The following CHODL variants were observed in gnomAD, a reference collection of about 807,000 sequenced individuals.
CHODL encodes chondrolectin.
A neutral mutation model predicts 34.5 loss-of-function variants in CHODL; 29 were observed. The observed-to-expected ratio is 0.84, with a 90% CI of 0.63 to 1.15. The LOEUF is 1.15. Among genes scored for constraint, CHODL ranks in the 50% most tolerant of loss-of-function variants. The pLI is 0.00. For synonymous variants in CHODL, 125 were observed against 116.1 expected, an observed-to-expected ratio of 1.08 and a Z score of -0.49; for missense variants, 332 against 332.5, an observed-to-expected ratio of 1.00 and a Z score of 0.01.
At chr21:18,196,090 T>C (rs113847148) in intron 2 of CHODL, among the ~76,000 whole-genome samples, 4 of 152,352 alleles carry the variant, frequency 2.6e-5, no homozygotes, top group African/African-American at 9.6e-5. Context: ...GCTCTACATA[T>C]GTACATTTCA....
chr21:18,050,384 G>A (rs971292070), intron 2 of CHODL, among the ~76,000 whole-genome samples: 1 of 151,914 alleles, frequency 6.6e-6, no homozygotes, highest in Non-Finnish European at 1.5e-5. Context: ...AGCAAGAAAG[G>A]CATTTCTGTT....
intron 2 of CHODL, among the ~76,000 whole-genome samples, chr21:18,192,099 T>C (rs1406729496): frequency 6.6e-6 from 1 of 152,164 alleles, no homozygotes; most frequent in African/African-American, 2.4e-5. Flanking sequence ...CTACATAACA[T>C]TGAATACCCC....
intron 2 of CHODL, among the ~76,000 whole-genome samples, chr21:18,088,295 G>T (rs921015832): frequency 7.2e-5 from 11 of 152,166 alleles, no homozygotes; most frequent in Non-Finnish European, 2.9e-5. Flanking sequence ...TATCAGGGCA[G>T]CAGGGTCACT....
At chr21:17,943,530 ACC>A (rs2063382363) in intron 1 of CHODL, among the ~76,000 whole-genome samples, 1 of 152,240 alleles carries the variant, frequency 6.6e-6, no homozygotes, top group Non-Finnish European at 1.5e-5. Context: ...TAGATTTCAG[ACC>A]AGGATGGTGA....
At chr21:18,050,926 C>CTT (rs71189578) in intron 2 of CHODL, among the ~76,000 whole-genome samples, 2,305 of 146,774 alleles carry the variant, frequency 0.016, 58 homozygotes, top group African/African-American at 0.051. Context: ...AAGTAACTTG[C>CTT]TTTTTTTTTT....
At chr21:17,974,972 T>C (rs1053947994) in intron 1 of CHODL, among the ~76,000 whole-genome samples, 39 of 149,294 alleles carry the variant, frequency 2.6e-4, no homozygotes, top group African/African-American at 8.5e-4. Flanking sequence ...TATAGACATA[T>C]ATAAAATATA....
chr21:18,246,946 C>T (rs2074148808), intron 1 of CHODL, among the ~76,000 whole-genome samples: 1 of 152,054 alleles, frequency 6.6e-6, no homozygotes, highest in African/African-American at 2.4e-5. Context: ...TGAACATGAT[C>T]TATTTGATTT....
intron 1 of CHODL, among the ~76,000 whole-genome samples, chr21:17,932,843 C>T (rs1467810028): frequency 2.6e-5 from 4 of 152,038 alleles, no homozygotes; most frequent in African/African-American, 7.2e-5. Context: ...AGGGGACCAG[C>T]GTTCAGCATA....
chr21:18,037,989 A>T (rs2064330813), intron 2 of CHODL, among the ~76,000 whole-genome samples: 1 of 151,724 alleles, frequency 6.6e-6, no homozygotes, highest in South Asian at 2.1e-4. Context: ...CTTCCTCTTT[A>T]TAACTGGTTT....
chr21:18,039,358 A>G (rs1412218488), intron 2 of CHODL, among the ~76,000 whole-genome samples: 2 of 151,702 alleles, frequency 1.3e-5, no homozygotes, highest in Non-Finnish European at 1.5e-5. Context: ...GGATTGTGGT[A>G]GGGAGTAAAG....
intron 2 of CHODL, among the ~76,000 whole-genome samples, chr21:18,044,801 G>C (rs1045848877): frequency 6.6e-6 from 1 of 151,844 alleles, no homozygotes; most frequent in Non-Finnish European, 1.5e-5. Flanking sequence ...TTTACTCCAA[G>C]TTTACTCTTC....
At chr21:18,021,086 G>T (rs2064123695) in intron 1 of CHODL, among the ~76,000 whole-genome samples, 1 of 152,134 alleles carries the variant, frequency 6.6e-6, no homozygotes, top group East Asian at 1.9e-4. Context: ...TAAGTGATTG[G>T]CTAGAGATAT....
chr21:18,153,180 T>C (rs2072992338), intron 2 of CHODL, among the ~76,000 whole-genome samples: 1 of 152,166 alleles, frequency 6.6e-6, no homozygotes, highest in African/African-American at 2.4e-5. Context: ...GCTCAGCTGA[T>C]TTTCTGCTCT....
intron 2 of CHODL, among the ~76,000 whole-genome samples, chr21:18,037,035 G>A (rs1353076576): frequency 6.6e-6 from 1 of 151,810 alleles, no homozygotes; most frequent in African/African-American, 2.4e-5. Flanking sequence ...CCCAATAAAG[G>A]TATGAAGAAT....
rs1005787242 is a variant in CHODL at position 18,267,225 on chromosome 21, T to C, written c.*1187T>C. ...TTCATTGATGAGGGTTTGCTTGAGA[T>C]AGAAAATGGTGGCTCCTTTCTGTCT... On this transcript the variant is annotated 3_prime_UTR_variant, in exon 6 of 6. Transcript: ENST00000299295. 6.6e-6 allele frequency: 1 copy of C among 152,096 alleles called. No homozygotes were observed. The highest frequency in any genetic ancestry group is 1.9e-4 in the East Asian group (1 of 5,182). The allele number at this position is 152,096 out of a possible 1,614,324, so 9.4% of individuals were successfully genotyped here. A position where few individuals can be genotyped will look rare whatever the true frequency, so the allele number is the denominator to read the frequency against.
chr21:18,084,138 G>A (rs116754738), intron 2 of CHODL, among the ~76,000 whole-genome samples: 307 of 152,236 alleles, frequency 2.0e-3, no homozygotes, highest in African/African-American at 7.2e-3. Flanking sequence ...ATGAGATATG[G>A]TTATTTGAAA....
At chr21:18,182,595 T>C (rs1286144786) in intron 2 of CHODL, among the ~76,000 whole-genome samples, 1 of 152,224 alleles carries the variant, frequency 6.6e-6, no homozygotes, top group African/African-American at 2.4e-5. Context: ...TTGCTTTTTA[T>C]GATTTTATGT....
chr21:18,047,938 T>C (rs2064465067), intron 2 of CHODL, among the ~76,000 whole-genome samples: 1 of 151,978 alleles, frequency 6.6e-6, no homozygotes, highest in African/African-American at 2.4e-5. Flanking sequence ...CTAACCATCT[T>C]GGGAAAATGG....
chr21:18,070,465 A>G (rs2064790061), intron 2 of CHODL, among the ~76,000 whole-genome samples: 1 of 152,122 alleles, frequency 6.6e-6, no homozygotes. Context: ...AAAAAAGTAA[A>G]ATTGGAGATG....
Sources: gnomAD v4.1 joint callset for allele counts (sites outside exome capture counted in the v4.1 genomes callset) on GRCh38, gnomAD v4.1.1 for gene constraint, MANE v1.5 for transcripts, NCBI Gene and HGNC (gene_info 2026-07-23, HGNC 2026-07-21) for gene names.